Variants in SLC1A1 observed in about 807,000 individuals in gnomAD.
SLC1A1 encodes excitatory amino acid transporter 3.
A neutral mutation model predicts 53.3 loss-of-function variants in SLC1A1; 43 were observed. The observed-to-expected ratio is 0.81, with a 90% CI of 0.63 to 1.04. The LOEUF is 1.04. Ranked by LOEUF, SLC1A1 falls within the 50% of genes least tolerant of loss-of-function variation. SLC1A1 has a pLI of 0.00. For missense variants in SLC1A1, 748 were observed against 664.9 expected (o/e 1.12, Z -1.37); for synonymous variants, 307 against 243.2 (o/e 1.26, Z -2.44).
chr9:4,505,638 T>C (rs1443533798), intron 1 of SLC1A1, among the ~76,000 whole-genome samples: 2 of 152,066 alleles, frequency 1.3e-5, no homozygotes, highest in Non-Finnish European at 2.9e-5. Flanking sequence ...ACTGTGAAAT[T>C]CTTTGTTGTT....
At chr9:4,532,899 G>A (rs973341501) in intron 1 of SLC1A1, among the ~76,000 whole-genome samples, 4 of 152,090 alleles carry the variant, frequency 2.6e-5, no homozygotes, top group Non-Finnish European at 5.9e-5. Flanking sequence ...AGAGAGTGGG[G>A]GCCAATATGC....
intron 2 of SLC1A1, among the ~76,000 whole-genome samples, chr9:4,545,892 A>T (rs1459113393): frequency 3.9e-5 from 6 of 152,222 alleles, no homozygotes; most frequent in Non-Finnish European, 7.3e-5. Flanking sequence ...TAACTCTGGC[A>T]ATTAGTAAAA....
At chr9:4,528,525 A>G (rs534520774) in intron 1 of SLC1A1, among the ~76,000 whole-genome samples, 26 of 152,120 alleles carry the variant, frequency 1.7e-4, no homozygotes, top group East Asian at 3.9e-4. Flanking sequence ...GCAGTGAGCC[A>G]AGATCACGCC....
At chr9:4,535,513 A>C in intron 1 of SLC1A1, among the ~76,000 whole-genome samples, 1 of 152,198 alleles carries the variant, frequency 6.6e-6, no homozygotes, top group Non-Finnish European at 1.5e-5. Context: ...GATGTGAAGG[A>C]CCTCTTCAAG....
At chr9:4,542,418 A>C (rs993384343) in intron 1 of SLC1A1, among the ~76,000 whole-genome samples, 1 of 152,206 alleles carries the variant, frequency 6.6e-6, no homozygotes, top group Non-Finnish European at 1.5e-5. Context: ...TATCTTTCTA[A>C]TGACCCTACA....
intron 1 of SLC1A1, among the ~76,000 whole-genome samples, chr9:4,513,822 AACT>A (rs1821073303): frequency 6.6e-6 from 1 of 152,208 alleles, no homozygotes; most frequent in Non-Finnish European, 1.5e-5. Flanking sequence ...TAAGTAAATA[AACT>A]ACTGTCTATC....
At chr9:4,555,967 T>C (rs1451864973) in intron 2 of SLC1A1, among the ~76,000 whole-genome samples, 1 of 150,598 alleles carries the variant, frequency 6.6e-6, no homozygotes, top group Non-Finnish European at 1.5e-5. Flanking sequence ...ATATTAAAAA[T>C]AGACATACAA....
At chr9:4,554,367 C>A (rs1481448272) in intron 2 of SLC1A1, 1 of 152,210 alleles carries the variant, frequency 6.6e-6, no homozygotes, top group Non-Finnish European at 1.5e-5. Flanking sequence ...GCTAGGTCTC[C>A]TGCCTTCATG....
rs116625396 is a variant in SLC1A1 at position 4,570,952 on chromosome 9, G to C, written c.583-1252G>C. The stretch of plus-strand genomic sequence containing the variant: ...AAAGGTAAAAACATGATTCACAGTA[G>C]TAGGTATTTGGCTAATTTTTATATG... On this transcript the variant is annotated intron_variant, in intron 6 of 11. Transcript: ENST00000262352. Among the ~76,000 whole-genome samples, 606 of 151,846 alleles carry C rather than the reference G, an allele frequency of 4.0e-3. 1 individual carries two copies. Among genetic ancestry groups the C allele is most frequent in the Middle Eastern group, 0.014 (4 of 292 alleles).
chr9:4,530,976 G>C (rs1423637546), intron 1 of SLC1A1, among the ~76,000 whole-genome samples: 1 of 152,190 alleles, frequency 6.6e-6, no homozygotes, highest in Non-Finnish European at 1.5e-5. Context: ...AAACTGTCAA[G>C]GATTGGAGCA....
At chr9:4,524,217 G>A (rs1226884696) in intron 1 of SLC1A1, among the ~76,000 whole-genome samples, 1 of 152,148 alleles carries the variant, frequency 6.6e-6, no homozygotes, top group Non-Finnish European at 1.5e-5. Flanking sequence ...ATACATTGTG[G>A]AACTCTCAAT....
chr9:4,543,996 G>A (rs561478900), intron 1 of SLC1A1, among the ~76,000 whole-genome samples: 5 of 151,980 alleles, frequency 3.3e-5, no homozygotes, highest in African/African-American at 7.3e-5. Context: ...CTGGGCAACC[G>A]AATGAAACCC....
chr9:4,564,112 C>T (rs985647322), intron 3 of SLC1A1, among the ~76,000 whole-genome samples: 2 of 152,162 alleles, frequency 1.3e-5, no homozygotes, highest in Non-Finnish European at 2.9e-5. Context: ...CACACAGACG[C>T]ACACGCACGC....
rs755011801 is a variant in SLC1A1, at chr9:4,561,489, T to C, written c.273T>C (p.Gly91=). The part of the protein sequence containing the change: ...ALDSNVSGKI[G]LRAVVYYFCT... ...ATTCCAACGTATCCGGAAAAATTGG[T>C]CTGCGCGCTGTCGTGTATTATTTCT... is the stretch of plus-strand genomic sequence containing the variant. The change falls in exon 3 of 12, where the codon GGT becomes GGC. Residue 91 remains glycine, a synonymous_variant. Coordinates refer to ENST00000262352, the MANE Select transcript of SLC1A1 (RefSeq NM_004170.6). 13 of 1,611,258 alleles carry C rather than the reference T, an allele frequency of 8.1e-6. No homozygotes were observed. The highest frequency in any genetic ancestry group is 1.0e-5 in the Non-Finnish European group (12 of 1,177,552).
At position 4,572,251 on chromosome 9, in the gene SLC1A1, A is replaced by C; in HGVS notation, c.630A>C (p.Ile210=). 1 of 1,614,160 alleles carries C rather than the reference A, an allele frequency of 6.2e-7. No individual in the cohort carries two copies. The highest frequency in any genetic ancestry group is 8.5e-7 in the Non-Finnish European group (1 of 1,179,986). The change falls in exon 7 of 12, where the codon ATA becomes ATC. Residue 210 remains isoleucine, a synonymous_variant. Coordinates refer to ENST00000262352, the MANE Select transcript of SLC1A1 (RefSeq NM_004170.6). ...YKIVGMYSDG[I]NVLGLIVFCL... The stretch of plus-strand genomic sequence containing the variant: ...TTGTTGGCATGTATTCAGATGGCAT[A>C]AACGTCCTGGGCTTGATTGTCTTTT...
At chr9:4,508,358 G>A (rs938840366) in intron 1 of SLC1A1, among the ~76,000 whole-genome samples, 1 of 152,162 alleles carries the variant, frequency 6.6e-6, no homozygotes, top group African/African-American at 2.4e-5. Flanking sequence ...TGAGAGTCTG[G>A]TTGTCCCGAG....
intron 1 of SLC1A1, among the ~76,000 whole-genome samples, chr9:4,523,343 A>G (rs963860547): frequency 3.3e-5 from 5 of 149,666 alleles, no homozygotes. Flanking sequence ...AAGATACCAA[A>G]TGCCTTTTCT....
intron 1 of SLC1A1, among the ~76,000 whole-genome samples, chr9:4,531,165 T>A (rs1281592158): frequency 6.6e-6 from 1 of 152,184 alleles, no homozygotes; most frequent in African/African-American, 2.4e-5. Flanking sequence ...CATTTCCAAC[T>A]GAGATACCAG....
At chr9:4,566,685 A>T (rs1436362231) in intron 5 of SLC1A1, among the ~76,000 whole-genome samples, 1 of 152,102 alleles carries the variant, frequency 6.6e-6, no homozygotes, top group African/African-American at 2.4e-5. Context: ...ATGTCTCTAA[A>T]AAGAAATAAT....
Sources: gnomAD v4.1 joint callset for allele counts (sites outside exome capture counted in the v4.1 genomes callset) on GRCh38, gnomAD v4.1.1 for gene constraint, MANE v1.5 for transcripts, NCBI Gene and HGNC (gene_info 2026-07-23, HGNC 2026-07-21) for gene names.